ASB7: variants seen among roughly 807,000 people sequenced by gnomAD.
ASB7 encodes ankyrin repeat and SOCS box protein 7.
Under a neutral mutation model 32.5 loss-of-function variants are expected in ASB7, and 4 were observed. The ratio of observed to expected loss-of-function variants is 0.12; its 90% CI spans 0.06 to 0.28. ASB7 has a LOEUF of 0.28. Among genes scored for constraint, ASB7 ranks in the 10% least tolerant of loss-of-function variants. The pLI, the probability that ASB7 is intolerant of heterozygous loss-of-function variation, is 1.00. For synonymous variants in ASB7, 172 were observed against 155.6 expected (o/e 1.11, Z -0.78); for missense variants, 181 against 407.1 (o/e 0.44, Z 4.78).
intron 3 of ASB7, among the ~76,000 whole-genome samples, chr15:100,611,484 C>CTTTTGTTTTTTTTTTTTT (rs2039694618): frequency 2.6e-5 from 2 of 77,144 alleles, no homozygotes; most frequent in Non-Finnish European, 2.3e-5. Flanking sequence ...TGTTTCGATT[C>CTTTTGTTTTTTTTTTTTT]TTTTTTTTTT....
intron 4 of ASB7, among the ~76,000 whole-genome samples, chr15:100,617,157 T>C (rs1401864916): frequency 1.3e-5 from 2 of 152,184 alleles, no homozygotes; most frequent in South Asian, 2.1e-4. Flanking sequence ...CCAGGAAACA[T>C]TCCTCACCAG....
At chr15:100,605,625 G>A (rs7164170) in intron 2 of ASB7, among the ~76,000 whole-genome samples, 150,686 of 152,346 alleles carry the variant, frequency 0.99, 74,536 homozygotes, top group East Asian at 1. Context: ...GGGCATATCT[G>A]TTACCTGACT....
intron 2 of ASB7, 123 bp from the exon 3 acceptor site, chr15:100,609,584 T>C (rs1412589357): frequency 6.6e-6 from 1 of 152,262 alleles, no homozygotes; most frequent in African/African-American, 2.4e-5. Flanking sequence ...GAGTTCTTTC[T>C]CTGCTCTATA....
At chr15:100,640,863 A>G (rs1349500461) in intron 5 of ASB7, among the ~76,000 whole-genome samples, 1 of 152,216 alleles carries the variant, frequency 6.6e-6, no homozygotes, top group Non-Finnish European at 1.5e-5. Flanking sequence ...ATGATTTCCT[A>G]TTTTATACCA....
chr15:100,605,746 G>A (rs1003146123), intron 2 of ASB7, among the ~76,000 whole-genome samples: 2 of 152,150 alleles, frequency 1.3e-5, no homozygotes, highest in East Asian at 3.8e-4. Flanking sequence ...GATGGTGTTG[G>A]CAGACCTAGG....
At position 100,603,260 on chromosome 15, in the gene ASB7, C is replaced by A; in HGVS notation, c.-227C>A. 8.5e-6 allele frequency: 3 copies of A among 354,612 alleles called. No individual in the cohort carries two copies. The allele number at this position is 354,612 out of a possible 1,614,324, so 22.0% of individuals were successfully genotyped here. ...ACGCGAAAGCAGGAAGAGGTCTGCCCACCTATCAGAGAAGCAGAAGGCACA... is the reference window on the plus strand; with the variant it reads ...ACGCGAAAGCAGGAAGAGGTCTGCCAACCTATCAGAGAAGCAGAAGGCACA... On this transcript the variant is annotated 5_prime_UTR_variant, in exon 2 of 6. Coordinates refer to ENST00000332783, the MANE Select transcript of ASB7 (RefSeq NM_198243.3).
At chr15:100,606,209 C>T (rs760591424) in intron 2 of ASB7, among the ~76,000 whole-genome samples, 1 of 151,428 alleles carries the variant, frequency 6.6e-6, no homozygotes, top group Non-Finnish European at 1.5e-5. Flanking sequence ...TTTTCTCAGA[C>T]CCAATGTCGT....
At chr15:100,632,388 G>A (rs2039890755) in intron 5 of ASB7, among the ~76,000 whole-genome samples, 2 of 152,182 alleles carry the variant, frequency 1.3e-5, no homozygotes, top group South Asian at 4.1e-4. Context: ...TGACTCTCCA[G>A]TGGTGTTTCC....
chr15:100,619,533 G>A (rs758616014), intron 4 of ASB7, among the ~76,000 whole-genome samples: 1 of 152,224 alleles, frequency 6.6e-6, no homozygotes, highest in Non-Finnish European at 1.5e-5. Context: ...AAGAATTGCC[G>A]TTAATTGAAA....
intron 4 of ASB7, among the ~76,000 whole-genome samples, chr15:100,619,823 C>T (rs773150216): frequency 2.0e-5 from 3 of 152,220 alleles, no homozygotes; most frequent in African/African-American, 4.8e-5. Context: ...CGTGAAGCCA[C>T]ACTTGCTGCT....
intron 5 of ASB7, among the ~76,000 whole-genome samples, chr15:100,633,422 C>A (rs958432825): frequency 6.6e-6 from 1 of 151,922 alleles, no homozygotes; most frequent in Non-Finnish European, 1.5e-5. Flanking sequence ...ACTAAAAATA[C>A]AAAAATTAGC....
chr15:100,604,666 G>T (rs965940612), intron 2 of ASB7, among the ~76,000 whole-genome samples: 2 of 152,148 alleles, frequency 1.3e-5, no homozygotes, highest in Non-Finnish European at 2.9e-5. Flanking sequence ...AGATTCTAGG[G>T]AATAGGATTT....
At position 100,629,370 on chromosome 15, in the gene ASB7, T is replaced by G. The variant is rs1292047265; in HGVS notation, c.212-67T>G. The G allele has an allele frequency of 2.9e-6, 4 of 1,395,008 alleles. No individual in the cohort carries two copies. Among genetic ancestry groups the G allele is most frequent in the Non-Finnish European group, 4.0e-6 (4 of 1,012,046 alleles). 86.4% of individuals were successfully genotyped at this position (1,395,008 alleles called of 1,614,324 possible). ...TATGAGAATTGGCCACAGTTTGCTG[T>G]GCCATGGTAATGTTTGTTGTTTTGT... On this transcript the variant is annotated intron_variant, in intron 4 of 5. Coordinates refer to ENST00000332783, the MANE Select transcript of ASB7 (RefSeq NM_198243.3). The surrounding 1 kb of genome is among the most constrained non-coding windows in gnomAD (Gnocchi z 6.8).
chr15:100,642,892 C>T (rs2039971228), intron 5 of ASB7, among the ~76,000 whole-genome samples: 1 of 152,204 alleles, frequency 6.6e-6, no homozygotes, highest in Non-Finnish European at 1.5e-5. Flanking sequence ...CAAAAATTAG[C>T]CAGGCGTGGT....
chr15:100,641,055 G>A (rs925344332), intron 5 of ASB7, among the ~76,000 whole-genome samples: 1 of 151,538 alleles, frequency 6.6e-6, no homozygotes, highest in Non-Finnish European at 1.5e-5. Context: ...AGTTTTCCCT[G>A]TTATGATCCC....
chr15:100,605,899 T>G (rs757849278), intron 2 of ASB7, among the ~76,000 whole-genome samples: 11 of 152,238 alleles, frequency 7.2e-5, no homozygotes, highest in Non-Finnish European at 1.5e-4. Context: ...GGAATTTATG[T>G]GGGTCATGGA....
intron 5 of ASB7, among the ~76,000 whole-genome samples, chr15:100,632,416 G>A (rs547834402): frequency 6.6e-6 from 1 of 152,312 alleles, no homozygotes; most frequent in African/African-American, 2.4e-5. Flanking sequence ...AGCAAATTTG[G>A]TGTTTCTGCT....
rs148874004 is a variant in ASB7 at position 100,624,300 on chromosome 15, G to T, written c.212-5137G>T. 2.6e-3 allele frequency among the ~76,000 whole-genome samples: 397 copies of T among 152,318 alleles called. 4 individuals carry two copies. Among genetic ancestry groups the T allele is most frequent in the African/African-American group, 9.2e-3 (381 of 41,562 alleles). On this transcript the variant is annotated intron_variant, in intron 4 of 5. Coordinates refer to ENST00000332783, the MANE Select transcript of ASB7 (RefSeq NM_198243.3). The stretch of plus-strand genomic sequence containing the variant: ...GTATCTCAGAGTAGCTGCAAGAGAA[G>T]ACTTGAAATGTTCTCAGCTCATAGA...
intron 2 of ASB7, among the ~76,000 whole-genome samples, chr15:100,603,704 A>C (rs1432841587): frequency 1.3e-5 from 2 of 152,164 alleles, no homozygotes; most frequent in African/African-American, 4.8e-5. Flanking sequence ...TAATTAAACC[A>C]CAATTTACTG....
Sources: allele counts gnomAD v4.1 joint callset (sites outside exome capture counted in the v4.1 genomes callset), GRCh38; gene constraint gnomAD v4.1.1; non-coding constraint Gnocchi (gnomAD v3.1); transcripts MANE v1.5; gene names NCBI Gene and HGNC (gene_info 2026-07-23, HGNC 2026-07-21).